Variants in PLXNA4 observed in about 807,000 individuals in gnomAD.
The protein encoded by PLXNA4 is plexin-A4.
A neutral mutation model predicts 191.8 loss-of-function variants in PLXNA4; 44 were observed. The ratio of observed to expected loss-of-function variants is 0.23; its 90% CI spans 0.18 to 0.29. The LOEUF is 0.29. Ranked by LOEUF, PLXNA4 falls within the 10% of genes least tolerant of loss-of-function variation. The pLI is 1.00. For synonymous variants in PLXNA4, 1,082 were observed against 1,009.5 expected, an observed-to-expected ratio of 1.07 and a Z score of -1.36; for missense variants, 1,800 against 2,488.8, an observed-to-expected ratio of 0.72 and a Z score of 5.89.
At chr7:132,459,726 C>A (rs1157092442) in intron 3 of PLXNA4, among the ~76,000 whole-genome samples, 1 of 152,094 alleles carries the variant, frequency 6.6e-6, no homozygotes, top group African/African-American at 2.4e-5. Context: ...CTGGGGGCAG[C>A]GAGCCTGATC....
rs969879267 is a variant in PLXNA4 at position 132,223,626 on chromosome 7, C to T, written c.1998G>A (p.Val666=). ...CSVHNSCLSC[V]ESPYRCHWCK... ...ACCAGTGGCAGCGGTATGGACTCTC[C>T]ACGCAGGACAGGCACCTGGGCACAG... Residue 666 remains valine (V), a synonymous_variant, in exon 9 of 32, where the codon GTG becomes GTA. Transcript: ENST00000321063. 1.2e-6 allele frequency: 2 copies of T among 1,613,380 alleles called. No homozygotes were observed. Among genetic ancestry groups the T allele is most frequent in the Non-Finnish European group, 8.5e-7 (1 of 1,179,730 alleles).
intron 1 of PLXNA4, among the ~76,000 whole-genome samples, chr7:132,511,950 G>A (rs1798729590): frequency 6.6e-6 from 1 of 152,214 alleles, no homozygotes; most frequent in Non-Finnish European, 1.5e-5. Context: ...GACAGTGTAA[G>A]ACTGGGTCTC....
At chr7:132,568,340 G>T (rs545082146) in intron 1 of PLXNA4, among the ~76,000 whole-genome samples, 1 of 152,070 alleles carries the variant, frequency 6.6e-6, no homozygotes, top group Non-Finnish European at 1.5e-5. Context: ...TTCAGAAATC[G>T]GATTGGCACC....
intron 25 of PLXNA4, among the ~76,000 whole-genome samples, chr7:132,149,786 C>T (rs1223054822): frequency 2.0e-5 from 3 of 152,178 alleles, no homozygotes; most frequent in African/African-American, 7.2e-5. Flanking sequence ...GGATTTCTTC[C>T]TATGTCTCAC....
At chr7:132,212,649 G>A (rs1797840238) in intron 9 of PLXNA4, among the ~76,000 whole-genome samples, 1 of 152,172 alleles carries the variant, frequency 6.6e-6, no homozygotes, top group Admixed American at 6.5e-5. Context: ...AACCAGAAAA[G>A]AGGAGGGAAA....
chr7:132,386,661 T>A (rs1805157290), intron 3 of PLXNA4, among the ~76,000 whole-genome samples: 1 of 152,134 alleles, frequency 6.6e-6, no homozygotes, highest in African/African-American at 2.4e-5. Flanking sequence ...CCCCGGTACG[T>A]TAAACCGTCG....
At chr7:132,529,503 G>A (rs1156901927) in intron 1 of PLXNA4, among the ~76,000 whole-genome samples, 3 of 151,846 alleles carry the variant, frequency 2.0e-5, no homozygotes, top group African/African-American at 7.3e-5. Context: ...CACTGGGAAA[G>A]TTTTTTTAAA....
chr7:132,172,677 C>T (rs971757649), intron 21 of PLXNA4, among the ~76,000 whole-genome samples: 1 of 152,046 alleles, frequency 6.6e-6, no homozygotes, highest in Non-Finnish European at 1.5e-5. Context: ...CTAATGCGGG[C>T]CAGTAAAAGT....
At chr7:132,619,831 C>T (rs552540160) in intron 2 of PLXNA4, among the ~76,000 whole-genome samples, 20 of 146,732 alleles carry the variant, frequency 1.4e-4, no homozygotes, top group African/African-American at 2.9e-4. Flanking sequence ...GACGGAGTCT[C>T]GCTCTATTGC....
chr7:132,399,214 G>T (rs917419680), intron 3 of PLXNA4, among the ~76,000 whole-genome samples: 2 of 152,094 alleles, frequency 1.3e-5, no homozygotes, highest in Admixed American at 1.3e-4. Context: ...TGGGCGCAAG[G>T]GCTCAGCATC....
intron 25 of PLXNA4, among the ~76,000 whole-genome samples, chr7:132,151,655 G>A (rs1795649249): frequency 2.6e-5 from 4 of 151,992 alleles, no homozygotes; most frequent in Admixed American, 2.6e-4. Context: ...AGAGGAAGAA[G>A]AAGAAAGTAG....
intron 3 of PLXNA4, among the ~76,000 whole-genome samples, chr7:132,462,457 C>T (rs994119211): frequency 9.9e-5 from 15 of 152,092 alleles, no homozygotes; most frequent in African/African-American, 3.1e-4. Context: ...TTGAAGGGTA[C>T]TTAATCACAC....
chr7:132,467,656 A>T (rs969645997), intron 3 of PLXNA4, among the ~76,000 whole-genome samples: 7 of 152,234 alleles, frequency 4.6e-5, no homozygotes, highest in Non-Finnish European at 1.0e-4. Context: ...CAAAGATCAC[A>T]AAATTAAAAG....
chr7:132,533,391 A>G (rs1212559060), intron 1 of PLXNA4, among the ~76,000 whole-genome samples: 1 of 152,146 alleles, frequency 6.6e-6, no homozygotes, highest in Non-Finnish European at 1.5e-5. Flanking sequence ...GGCCCCCAAC[A>G]TGAAAAGAAT....
intron 2 of PLXNA4, among the ~76,000 whole-genome samples, chr7:132,615,579 C>T (rs1289388030): frequency 1.3e-5 from 2 of 152,150 alleles, no homozygotes; most frequent in East Asian, 3.9e-4. Context: ...TTTTCTCCTT[C>T]CTGCACCCTG....
upstream of PLXNA4, chr7:132,577,067 G>A (rs955539392): frequency 6.8e-6 from 1 of 146,660 alleles, no homozygotes; most frequent in South Asian, 1.8e-4. Context: ...GGGCTGGGGG[G>A]CCGCGGGAGC....
At chr7:132,597,859 C>CTCTATATATA (rs10660880) in intron 2 of PLXNA4, among the ~76,000 whole-genome samples, 25 of 145,364 alleles carry the variant, frequency 1.7e-4, no homozygotes, top group South Asian at 8.9e-4. Flanking sequence ...CTCTCTCTCT[C>CTCTATATATA]TATATATATA....
chr7:132,474,214 T>A (rs1046761888), intron 3 of PLXNA4, among the ~76,000 whole-genome samples: 4 of 140,304 alleles, frequency 2.9e-5, no homozygotes, highest in South Asian at 2.4e-4. Flanking sequence ...TCTCTCTGTC[T>A]CACACACACA....
At chr7:132,185,262 T>G (rs201390861) in intron 16 of PLXNA4, 37 bp downstream of exon 16, 9 of 1,580,150 alleles carry the variant, frequency 5.7e-6, no homozygotes, top group Admixed American at 3.5e-5. Context: ...GAAACAGAGG[T>G]GCAGAAGCAT....
Sources: allele counts gnomAD v4.1 joint callset (sites outside exome capture counted in the v4.1 genomes callset), GRCh38; gene constraint gnomAD v4.1.1; transcripts MANE v1.5; gene names NCBI Gene and HGNC (gene_info 2026-07-23, HGNC 2026-07-21).